Variants in MYRFL observed in about 807,000 individuals in gnomAD.
MYRFL encodes the protein myelin regulatory factor-like protein.
A neutral mutation model predicts 109.4 loss-of-function variants in MYRFL; 88 were observed. The ratio of observed to expected loss-of-function variants is 0.80; its 90% CI spans 0.68 to 0.96. MYRFL has a LOEUF of 0.96. MYRFL is among the 40% of genes least tolerant of loss of function. MYRFL has a pLI of 0.00. For missense variants in MYRFL, 957 were observed against 954.9 expected, an observed-to-expected ratio of 1.00 and a Z score of -0.03; for synonymous variants, 324 against 320.9, an observed-to-expected ratio of 1.01 and a Z score of -0.10.
At chr12:69,932,880 T>TGC (rs1408528493) in intron 16 of MYRFL, among the ~76,000 whole-genome samples, 4 of 150,688 alleles carry the variant, frequency 2.7e-5, no homozygotes, top group Non-Finnish European at 5.9e-5. Flanking sequence ...TGTGTGTGTG[T>TGC]GTTTGTGTGT....
chr12:69,872,290 G>C (rs182010444), intron 2 of MYRFL, among the ~76,000 whole-genome samples: 2 of 152,240 alleles, frequency 1.3e-5, no homozygotes, highest in Admixed American at 1.3e-4. Context: ...AGGCAAAAGA[G>C]AGTTGCTTTT....
chr12:69,890,464 G>T (rs7300450), intron 6 of MYRFL, among the ~76,000 whole-genome samples: 1 of 152,016 alleles, frequency 6.6e-6, no homozygotes, highest in East Asian at 1.9e-4. Flanking sequence ...GGGTGTGGTA[G>T]CTCACACCTG....
chr12:69,949,797 A>T (rs1955932440), intron 19 of MYRFL, among the ~76,000 whole-genome samples: 1 of 152,026 alleles, frequency 6.6e-6, no homozygotes, highest in Non-Finnish European at 1.5e-5. Flanking sequence ...TTTTTTTCCT[A>T]CATGGATCAC....
intron 15 of MYRFL, among the ~76,000 whole-genome samples, chr12:69,929,793 G>T (rs991667238): frequency 1.1e-4 from 16 of 152,038 alleles, no homozygotes; most frequent in African/African-American, 3.9e-4. Context: ...GTGAAACTTA[G>T]CCTTCCCCGT....
rs192558512 is a variant in MYRFL at position 69,865,019 on chromosome 12, T to A, written c.137+9649T>A. Among the ~76,000 whole-genome samples, 4 of 152,326 alleles carry A rather than the reference T, an allele frequency of 2.6e-5. No homozygotes were observed. The East Asian group carries it at 7.7e-4, about 29-fold the overall frequency. On this transcript the variant is annotated intron_variant, in intron 2 of 24. Transcript: ENST00000552032. Reference sequence around the variant, plus strand: ...ACCTTTAGCTGTTTAGAAGGAAAAGTGAACAAAGGTCTTCATCAAAGAGCT... The same window carrying A: ...ACCTTTAGCTGTTTAGAAGGAAAAGAGAACAAAGGTCTTCATCAAAGAGCT...
At chr12:69,952,292 C>G in intron 20 of MYRFL, 117 bp downstream of exon 20, 1 of 868,862 alleles carries the variant, frequency 1.2e-6, no homozygotes, top group South Asian at 1.5e-5. Context: ...CTGCCTGCCA[C>G]GCATATCCAT....
intron 1 of MYRFL, among the ~76,000 whole-genome samples, chr12:69,827,312 GC>G (rs1221440102): frequency 6.6e-6 from 1 of 151,432 alleles, no homozygotes; most frequent in African/African-American, 2.4e-5. Flanking sequence ...GAATTAAATG[GC>G]CTTGACTGTC....
chr12:69,847,214 CT>C (rs1454575667), intron 1 of MYRFL, among the ~76,000 whole-genome samples: 2 of 152,052 alleles, frequency 1.3e-5, no homozygotes, highest in Non-Finnish European at 2.9e-5. Flanking sequence ...TTTCAAGGCC[CT>C]TTTGTTGTTG....
chr12:69,838,925 T>A (rs552653175), intron 1 of MYRFL, among the ~76,000 whole-genome samples: 24 of 152,332 alleles, frequency 1.6e-4, no homozygotes, highest in African/African-American at 5.5e-4. Flanking sequence ...TGAATCCCAT[T>A]AAAATTTTTA....
At chr12:69,878,253 A>C (rs941205953) in intron 2 of MYRFL, among the ~76,000 whole-genome samples, 26 of 151,864 alleles carry the variant, frequency 1.7e-4, no homozygotes, top group African/African-American at 6.0e-4. Context: ...AAAAAAAAAA[A>C]AAAAAAATTA....
intron 6 of MYRFL, among the ~76,000 whole-genome samples, chr12:69,890,160 T>C (rs1015011832): frequency 2.0e-5 from 3 of 152,240 alleles, no homozygotes; most frequent in Non-Finnish European, 4.4e-5. Flanking sequence ...CTGGTAATTC[T>C]GCTAAGTCTG....
chr12:69,901,427 G>A (rs1165341163), intron 10 of MYRFL, among the ~76,000 whole-genome samples: 1 of 152,184 alleles, frequency 6.6e-6, no homozygotes, highest in Non-Finnish European at 1.5e-5. Flanking sequence ...TTGTGAATCT[G>A]TGGCCCTTTC....
At chr12:69,858,266 G>C (rs1338403022) in intron 2 of MYRFL, among the ~76,000 whole-genome samples, 1 of 151,684 alleles carries the variant, frequency 6.6e-6, no homozygotes, top group Non-Finnish European at 1.5e-5. Context: ...AAATTTTGTT[G>C]AGCATTTTGC....
At chr12:69,944,087 G>C (rs917230290) in intron 19 of MYRFL, among the ~76,000 whole-genome samples, 1 of 150,858 alleles carries the variant, frequency 6.6e-6, no homozygotes, top group Non-Finnish European at 1.5e-5. Flanking sequence ...CTGTTGGTGG[G>C]ACTGTAAACT....
intron 21 of MYRFL, among the ~76,000 whole-genome samples, chr12:69,953,651 C>G (rs1956031981): frequency 6.6e-6 from 1 of 152,056 alleles, no homozygotes; most frequent in South Asian, 2.1e-4. Flanking sequence ...ATGGCACACA[C>G]CTGTGGTCCC....
At chr12:69,838,624 G>A (rs1410191657) in intron 1 of MYRFL, among the ~76,000 whole-genome samples, 2 of 152,002 alleles carry the variant, frequency 1.3e-5, no homozygotes, top group Non-Finnish European at 2.9e-5. Context: ...TTATTCTTCT[G>A]TATATTAACA....
intron 11 of MYRFL, among the ~76,000 whole-genome samples, chr12:69,907,498 A>G (rs1445404688): frequency 6.6e-6 from 1 of 152,060 alleles, no homozygotes; most frequent in African/African-American, 2.4e-5. Context: ...GTGGGGCAGG[A>G]ACAAAGGGGA....
At chr12:69,844,833 A>C (rs1169523961) in intron 1 of MYRFL, among the ~76,000 whole-genome samples, 1 of 152,100 alleles carries the variant, frequency 6.6e-6, no homozygotes, top group Non-Finnish European at 1.5e-5. Flanking sequence ...ATCCCTGGGT[A>C]ACTGCAGAAG....
chr12:69,933,883 T>G (rs1955357825), intron 16 of MYRFL, among the ~76,000 whole-genome samples: 1 of 152,042 alleles, frequency 6.6e-6, no homozygotes, highest in South Asian at 2.1e-4. Context: ...GGTCGTCTTA[T>G]TTTTTCCAAT....
Sources: allele counts gnomAD v4.1 joint callset (sites outside exome capture counted in the v4.1 genomes callset), GRCh38; gene constraint gnomAD v4.1.1; transcripts MANE v1.5; gene names NCBI Gene and HGNC (gene_info 2026-07-23, HGNC 2026-07-21).